Variants in CD83 observed in about 807,000 individuals in gnomAD.
The protein encoded by CD83 is CD83 molecule.
In CD83, 22 loss-of-function variants were observed where a neutral mutation model predicts 24.6. The ratio of observed to expected loss-of-function variants is 0.90; its 90% CI spans 0.64 to 1.28. The LOEUF (loss-of-function observed/expected upper bound fraction) is 1.28, where lower values mean the gene tolerates loss of function less well. CD83 is among the 50% of genes most tolerant of loss of function. The probability of loss-of-function intolerance (pLI) is 0.00; values close to 1 mark genes in which losing one functional copy is unlikely to be tolerated. For missense variants in CD83, 253 were observed against 252.8 expected (o/e 1.00, Z -0.01); for synonymous variants, 101 against 103.5 (o/e 0.98, Z 0.14).
intron 2 of CD83, among the ~76,000 whole-genome samples, chr6:14,119,747 T>G (rs1385356145): frequency 2.0e-5 from 3 of 152,216 alleles, no homozygotes; most frequent in Non-Finnish European, 4.4e-5. Context: ...GGGAAAAACA[T>G]GAAACCACTA....
chr6:14,117,659 G>A (rs1474071313), upstream of CD83: 1 of 496,798 alleles, frequency 2.0e-6, no homozygotes, highest in African/African-American at 2.0e-5. This position sits in a 1 kb window ranked among gnomAD's most constrained non-coding sequence, Gnocchi z 4.6. Flanking sequence ...GCCTAAGCGG[G>A]ACTAGGAGGG....
At chr6:14,117,639 G>T, upstream of CD83, 1 of 372,842 alleles carries the variant, frequency 2.7e-6, no homozygotes, top group Non-Finnish European at 4.7e-6. The surrounding 1 kb of genome is among the most constrained non-coding windows in gnomAD (Gnocchi z 4.6). Flanking sequence ...GCGGGGACGG[G>T]GGCGCCCCGG....
intron 2 of CD83, among the ~76,000 whole-genome samples, chr6:14,125,880 T>C (rs1007536273): frequency 4.6e-5 from 7 of 152,230 alleles, no homozygotes; most frequent in Admixed American, 3.9e-4. Flanking sequence ...TTGGGACTTC[T>C]AGGACAACTT....
rs577795770 is a variant in CD83 at position 14,119,472 on chromosome 6, C to T, written c.153+1407C>T. On this transcript the variant is annotated intron_variant, in intron 2 of 4. Transcript: ENST00000379153. The stretch of plus-strand genomic sequence containing the variant: ...ACATACATTATCCATTTCCATCCAT[C>T]GGAAGAATGGACTTAGGGATTAGTA... 1.2e-3 allele frequency among the ~76,000 whole-genome samples: 178 copies of T among 152,298 alleles called. 4 individuals carry two copies. The South Asian group carries it at 0.036, about 31-fold the overall frequency.
At chr6:14,124,562 C>A (rs190388022) in intron 2 of CD83, among the ~76,000 whole-genome samples, 137 of 152,268 alleles carry the variant, frequency 9.0e-4, no homozygotes, top group African/African-American at 3.1e-3. Flanking sequence ...GGGGACAAAG[C>A]AGGACTGGCC....
At chr6:14,123,205 C>T (rs2113389674) in intron 2 of CD83, among the ~76,000 whole-genome samples, 1 of 151,658 alleles carries the variant, frequency 6.6e-6, no homozygotes, top group South Asian at 2.1e-4. Context: ...TCAAGCGATT[C>T]CCCTGCCTTA....
In CD83 at chr6:14,129,686, C is replaced by A. The variant is rs1759901216; in HGVS notation, c.154-1834C>A. Among the ~76,000 whole-genome samples, 1 of 152,100 alleles carries A rather than the reference C, an allele frequency of 6.6e-6. No individual in the cohort carries two copies. Among genetic ancestry groups the A allele is most frequent in the East Asian group, 1.9e-4 (1 of 5,182 alleles). On this transcript the variant is annotated intron_variant, in intron 2 of 4. Coordinates refer to ENST00000379153, the MANE Select transcript of CD83 (RefSeq NM_004233.4). The surrounding 1 kb of genome is among the most constrained non-coding windows in gnomAD (Gnocchi z 4.3). ...AGCTCAGGGCTGGGAGGGAGCTGAG[C>A]AGGTTTTCTTGCAGGAGCGATCAAT...
intron 2 of CD83, among the ~76,000 whole-genome samples, chr6:14,118,530 A>G (rs1759597729): frequency 6.6e-6 from 1 of 152,276 alleles, no homozygotes; most frequent in Admixed American, 6.5e-5. Context: ...GCAATTTGAA[A>G]GGAAAGGCTA....
chr6:14,118,088 G>T, intron 2 of CD83, 23 bp downstream of exon 2: 1 of 1,551,138 alleles, frequency 6.4e-7, no homozygotes, highest in Non-Finnish European at 8.8e-7. Context: ...ATACCCACGG[G>T]CTGGGGTTTG....
upstream of CD83, chr6:14,117,541 C>G (rs978601701): frequency 1.1e-3 from 163 of 144,834 alleles, no homozygotes; most frequent in Middle Eastern, 3.6e-3. The surrounding 1 kb of genome is among the most constrained non-coding windows in gnomAD (Gnocchi z 4.6). Context: ...GGCGCCCGGC[C>G]CGGGCGCGCG....
intron 2 of CD83, among the ~76,000 whole-genome samples, chr6:14,130,094 G>T (rs35360116): frequency 6.6e-6 from 1 of 152,168 alleles, no homozygotes; most frequent in Non-Finnish European, 1.5e-5. Context: ...GTGGCTCTTG[G>T]GTGCAGTTAT....
intron 3 of CD83, among the ~76,000 whole-genome samples, chr6:14,133,168 C>A (rs1401624981): frequency 6.6e-6 from 1 of 152,240 alleles, no homozygotes; most frequent in Non-Finnish European, 1.5e-5. Flanking sequence ...CCTGAAACCT[C>A]CTGAGGTGAG....
upstream of CD83, chr6:14,117,693 G>C: frequency 2.9e-6 from 2 of 697,716 alleles, no homozygotes; most frequent in South Asian, 2.7e-5. The surrounding 1 kb of genome is among the most constrained non-coding windows in gnomAD (Gnocchi z 4.6). Context: ...TCCGCTGCCC[G>C]CCGGGGAATC....
At chr6:14,133,829 T>C (rs943006896) in intron 4 of CD83, 74 bp downstream of exon 4, 7 of 984,656 alleles carry the variant, frequency 7.1e-6, no homozygotes, top group African/African-American at 3.3e-5. Flanking sequence ...CTCTTGCAGA[T>C]AGTGCGAATC....
At chr6:14,133,029 A>G (rs1267167628) in intron 3 of CD83, among the ~76,000 whole-genome samples, 1 of 152,190 alleles carries the variant, frequency 6.6e-6, no homozygotes, top group Non-Finnish European at 1.5e-5. Context: ...ACCCTTTAAC[A>G]GCCCTGAGGG....
At chr6:14,125,322 TC>T (rs1350552470) in intron 2 of CD83, among the ~76,000 whole-genome samples, 1 of 152,214 alleles carries the variant, frequency 6.6e-6, no homozygotes, top group Admixed American at 6.5e-5. Flanking sequence ...TGGTTCTGTG[TC>T]CAACCTCTAC....
At chr6:14,124,484 A>G (rs1474878390) in intron 2 of CD83, among the ~76,000 whole-genome samples, 1 of 152,194 alleles carries the variant, frequency 6.6e-6, no homozygotes, top group Non-Finnish European at 1.5e-5. Flanking sequence ...GTTCTGGAGA[A>G]CAGAGGTTCT....
At chr6:14,131,359 T>C (rs1757893450) in intron 2 of CD83, among the ~76,000 whole-genome samples, 161 bp from the exon 3 acceptor site, 2 of 152,220 alleles carry the variant, frequency 1.3e-5, no homozygotes, top group Admixed American at 1.3e-4. Context: ...GGAATTTTCA[T>C]AGATCTTTCC....
intron 2 of CD83, among the ~76,000 whole-genome samples, chr6:14,128,779 A>G (rs1056246124): frequency 2.0e-5 from 3 of 152,136 alleles, no homozygotes; most frequent in African/African-American, 4.8e-5. Context: ...TTGTTTTGCC[A>G]TTTAAAAATA....
Sources: allele counts gnomAD v4.1 joint callset (sites outside exome capture counted in the v4.1 genomes callset), GRCh38; gene constraint gnomAD v4.1.1; non-coding constraint Gnocchi (gnomAD v3.1); transcripts MANE v1.5; gene names NCBI Gene and HGNC (gene_info 2026-07-23, HGNC 2026-07-21).